Variants in KIFAP3 observed in about 807,000 individuals in gnomAD.
The protein encoded by KIFAP3 is kinesin-associated protein 3.
A neutral mutation model predicts 106.5 loss-of-function variants in KIFAP3; 68 were observed. The ratio of observed to expected loss-of-function variants is 0.64; its 90% confidence interval spans 0.53 to 0.78. The LOEUF (loss-of-function observed/expected upper bound fraction) is 0.78. Among genes scored for constraint, KIFAP3 ranks in the 30% least tolerant of loss-of-function variants. The pLI is 0.00. For missense variants in KIFAP3, 780 were observed against 941.8 expected, an observed-to-expected ratio of 0.83 and a Z score of 2.25; for synonymous variants, 320 against 311.5, an observed-to-expected ratio of 1.03 and a Z score of -0.29.
intron 10 of KIFAP3, among the ~76,000 whole-genome samples, chr1:170,012,851 T>C (rs1043033852): frequency 6.6e-6 from 1 of 152,126 alleles, no homozygotes; most frequent in Non-Finnish European, 1.5e-5. Flanking sequence ...GAAGAGCTTG[T>C]GTAGGGGAAC....
At chr1:170,011,297 A>C (rs1447904095) in intron 10 of KIFAP3, among the ~76,000 whole-genome samples, 1 of 151,984 alleles carries the variant, frequency 6.6e-6, no homozygotes, top group Non-Finnish European at 1.5e-5. Context: ...GTTTGAAGGA[A>C]AACAAGTCTA....
At chr1:170,053,549 A>G (rs1407245213) in intron 2 of KIFAP3, among the ~76,000 whole-genome samples, 4 of 151,794 alleles carry the variant, frequency 2.6e-5, no homozygotes, top group Non-Finnish European at 5.9e-5. Flanking sequence ...AAACAAAACA[A>G]AACAAAAAAA....
intron 19 of KIFAP3, among the ~76,000 whole-genome samples, chr1:169,926,647 TAA>T (rs1229825666): frequency 2.7e-5 from 4 of 148,076 alleles, no homozygotes; most frequent in African/African-American, 1.0e-4. Context: ...CATGTAACAT[TAA>T]GTTTTTTCTG....
chr1:170,055,170 T>G lies in KIFAP3; in HGVS notation c.164+135A>C, dbSNP rs1670778321. 4 of 740,026 alleles carry G rather than the reference T, an allele frequency of 5.4e-6. No individual in the cohort carries two copies. The African/African-American group carries it at 7.3e-5, about 14-fold the overall frequency. 45.8% of individuals were successfully genotyped at this position (740,026 alleles called of 1,614,324 possible). On this transcript the variant is annotated intron_variant, in intron 2 of 19. Transcript: ENST00000361580. ...TCCATACTTACAGTTTAATATAATC[T>G]CTCCTTCACTAAGATGAAGTATGCC...
chr1:169,976,022 G>A (rs527261), intron 16 of KIFAP3, among the ~76,000 whole-genome samples: 1 of 151,944 alleles, frequency 6.6e-6, no homozygotes, highest in Non-Finnish European at 1.5e-5. Context: ...GAAAAGAAAG[G>A]TCAAATAGGA....
At chr1:169,941,439 T>G (rs1664107693) in intron 19 of KIFAP3, among the ~76,000 whole-genome samples, 1 of 152,188 alleles carries the variant, frequency 6.6e-6, no homozygotes, top group Non-Finnish European at 1.5e-5. Flanking sequence ...TGGTTATTGC[T>G]TTTATGGTAG....
chr1:170,078,191 C>T (rs1175192985), upstream of KIFAP3, among the ~76,000 whole-genome samples: 1 of 152,044 alleles, frequency 6.6e-6, no homozygotes, highest in African/African-American at 2.4e-5. Context: ...TTAGTCACAT[C>T]CTTTCCAGCA....
intron 18 of KIFAP3, among the ~76,000 whole-genome samples, chr1:169,954,535 A>G (rs508063): frequency 0.6 from 91,674 of 152,056 alleles, 28,368 homozygotes; most frequent in Middle Eastern, 0.78. Flanking sequence ...GTAATACTTT[A>G]TTGTATTTCA....
At chr1:169,979,473 C>T (rs1328441456) in intron 15 of KIFAP3, among the ~76,000 whole-genome samples, 1 of 151,916 alleles carries the variant, frequency 6.6e-6, no homozygotes, top group African/African-American at 2.4e-5. Context: ...GAGAAAAATG[C>T]ACAAAAGGCT....
At chr1:170,049,820 A>C (rs201445506) in intron 2 of KIFAP3, among the ~76,000 whole-genome samples, 22 of 142,642 alleles carry the variant, frequency 1.5e-4, no homozygotes, top group African/African-American at 3.5e-4. Context: ...ACCCCCCCCC[A>C]AAAAAAACCC....
intron 17 of KIFAP3, among the ~76,000 whole-genome samples, chr1:169,963,481 T>G (rs1424777747): frequency 1.3e-5 from 2 of 152,102 alleles, no homozygotes; most frequent in Non-Finnish European, 2.9e-5. Context: ...ATAATGGGAC[T>G]TCTTTTCTTT....
chr1:169,944,180 G>A (rs1440747665), intron 19 of KIFAP3, among the ~76,000 whole-genome samples: 2 of 18,660 alleles, frequency 1.1e-4, no homozygotes, highest in South Asian at 3.3e-3. Flanking sequence ...GGTGTGGAGC[G>A]GCGAGGTTGT....
rs566011089 is a variant in KIFAP3 at position 170,058,240 on chromosome 1, A to G, written c.33-2804T>C. On this transcript the variant is annotated intron_variant, in intron 1 of 19. Transcript: ENST00000361580. ...AAATGCAGTCCTTAACTTTTCATTA[A>G]ATAAGAACTTTTAAAAAATTATTCT... is the stretch of plus-strand genomic sequence containing the variant. Among the ~76,000 whole-genome samples, 3 of 152,334 alleles carry G rather than the reference A, an allele frequency of 2.0e-5. No homozygotes were observed. In the South Asian group the frequency reaches 6.2e-4, roughly 32 times the overall value.
chr1:170,048,548 A>T (rs1181296492), intron 2 of KIFAP3, among the ~76,000 whole-genome samples: 1 of 152,012 alleles, frequency 6.6e-6, no homozygotes, highest in East Asian at 1.9e-4. Flanking sequence ...GGAGGGGCCA[A>T]GATGGCTGAA....
chr1:170,045,999 A>G (rs1407787386), intron 3 of KIFAP3, among the ~76,000 whole-genome samples: 1 of 152,116 alleles, frequency 6.6e-6, no homozygotes, highest in Admixed American at 6.5e-5. Context: ...GAAGACCCTC[A>G]TAGAGGAATG....
intron 1 of KIFAP3, among the ~76,000 whole-genome samples, chr1:170,059,880 G>A (rs528946274): frequency 1.3e-5 from 2 of 152,236 alleles, no homozygotes; most frequent in Admixed American, 6.5e-5. Flanking sequence ...ATCAATAAAC[G>A]TAATCCATCA....
chr1:169,940,630 A>G (rs1664054253), intron 19 of KIFAP3, among the ~76,000 whole-genome samples: 2 of 152,206 alleles, frequency 1.3e-5, no homozygotes, highest in Admixed American at 1.3e-4. Flanking sequence ...CTGCTCATGC[A>G]ACAGGAGGTG....
chr1:170,069,440 TCGATG>T (rs1414842218), intron 1 of KIFAP3, among the ~76,000 whole-genome samples: 1 of 152,056 alleles, frequency 6.6e-6, no homozygotes, highest in Non-Finnish European at 1.5e-5. Context: ...TTTATGAATG[TCGATG>T]TGAAAATCCT....
rs760575878 is a variant in KIFAP3 at position 170,046,729 on chromosome 1, T to C, written c.302A>G (p.Asp101Gly). ...CTACTTACCTTTTCCTGACAATGAA[T>C]CACGGCGGTTCTGTAGATAGTACAA... Reference protein sequence around the residue: ...QLLYYLQNRRDSLSGKEKKEK... With the variant: ...QLLYYLQNRRGSLSGKEKKEK... The change falls in exon 3 of 20, where the codon GAT becomes GGT. Residue 101 changes from aspartate (D) to glycine (G), a missense_variant. By Grantham distance (94) the Asp-to-Gly change is moderately conservative (BLOSUM62 -1). This residue lies in a region of KIFAP3 where 588 missense variants were observed against 678.9 expected (regional missense o/e 0.87). Coordinates refer to ENST00000361580, the MANE Select transcript of KIFAP3 (RefSeq NM_014970.4). The C allele has an allele frequency of 6.4e-7, 1 of 1,561,394 alleles. No homozygotes were observed. The highest frequency in any genetic ancestry group is 1.2e-5 in the South Asian group (1 of 81,668).
Sources: allele counts gnomAD v4.1 joint callset (sites outside exome capture counted in the v4.1 genomes callset), GRCh38; gene constraint gnomAD v4.1.1; regional missense constraint gnomAD v4.1.1; transcripts MANE v1.5; gene names NCBI Gene and HGNC (gene_info 2026-07-23, HGNC 2026-07-21).